NFIB: variants seen among roughly 807,000 people sequenced by gnomAD.
The protein encoded by NFIB is nuclear factor I B.
Under a neutral mutation model 61.5 loss-of-function variants are expected in NFIB, and 11 were observed. That is an observed-to-expected ratio of 0.18 (90% confidence interval 0.11 to 0.30). The LOEUF is 0.30. Among genes scored for constraint, NFIB ranks in the 10% least tolerant of loss-of-function variants. NFIB has a pLI of 1.00. For missense variants in NFIB, 471 were observed against 608.9 expected, an observed-to-expected ratio of 0.77 and a Z score of 2.38; for synonymous variants, 260 against 216.5, an observed-to-expected ratio of 1.20 and a Z score of -1.76.
chr9:14,347,102 G>T (rs750862235), intron 1 of NFIB, among the ~76,000 whole-genome samples: 23 of 151,900 alleles, frequency 1.5e-4, no homozygotes, highest in Non-Finnish European at 3.1e-4. Context: ...GCTCCACGCC[G>T]GGAGCTGGAA....
chr9:14,248,545 A>G (rs910520887), intron 2 of NFIB, among the ~76,000 whole-genome samples: 1 of 152,192 alleles, frequency 6.6e-6, no homozygotes, highest in Non-Finnish European at 1.5e-5. Flanking sequence ...TCCTGGGATT[A>G]CAGGCATGAG....
At chr9:14,191,126 G>A (rs190687985) in intron 2 of NFIB, among the ~76,000 whole-genome samples, 2 of 150,690 alleles carry the variant, frequency 1.3e-5, no homozygotes, top group African/African-American at 2.4e-5. Context: ...TCAGGAGTTC[G>A]AGACCAGCCT....
At chr9:14,194,847 A>G (rs564955000) in intron 2 of NFIB, among the ~76,000 whole-genome samples, 7 of 152,210 alleles carry the variant, frequency 4.6e-5, no homozygotes, top group African/African-American at 1.2e-4. Context: ...CAAAATATCC[A>G]CTTACCAATT....
At chr9:14,150,771 C>T (rs961802380) in intron 4 of NFIB, among the ~76,000 whole-genome samples, 2 of 152,010 alleles carry the variant, frequency 1.3e-5, no homozygotes, top group African/African-American at 4.8e-5. Context: ...AATATCATGA[C>T]TTCTAATCCA....
the NFIB span, among the ~76,000 whole-genome samples, chr9:14,449,570 T>A: frequency 6.6e-6 from 1 of 152,202 alleles, no homozygotes; most frequent in Non-Finnish European, 1.5e-5. Flanking sequence ...TTTGTTGAAA[T>A]GCATCATTTT....
intron 1 of NFIB, among the ~76,000 whole-genome samples, chr9:14,354,790 G>C (rs1223844871): frequency 6.6e-6 from 1 of 151,068 alleles, no homozygotes; most frequent in African/African-American, 2.4e-5. Context: ...CTGTGTGTGT[G>C]TGTGTGTGTG....
chr9:14,113,138 C>T lies in NFIB; in HGVS notation c.1385-57G>A. 8 of 1,470,760 alleles carry T rather than the reference C, an allele frequency of 5.4e-6. No individual in the cohort carries two copies. The South Asian group carries it at 1.0e-4, about 19-fold the overall frequency. 91.1% of individuals were successfully genotyped at this position (1,470,760 alleles called of 1,614,324 possible). On this transcript the variant is annotated intron_variant, in intron 9 of 10. Transcript: ENST00000380953. Reference sequence around the variant, plus strand: ...AATTGTGAACTATCAGAACGAACACCCTGTCCATGTATAAGAAACCCAGAG... The same window carrying T: ...AATTGTGAACTATCAGAACGAACACTCTGTCCATGTATAAGAAACCCAGAG...
the NFIB span, among the ~76,000 whole-genome samples, chr9:14,499,981 G>A: frequency 1.3e-5 from 2 of 152,166 alleles, no homozygotes; most frequent in African/African-American, 4.8e-5. Context: ...TGAAATAACA[G>A]ATACAAAGCT....
At chr9:14,172,932 G>A (rs1186953473) in intron 3 of NFIB, among the ~76,000 whole-genome samples, 1 of 152,060 alleles carries the variant, frequency 6.6e-6, no homozygotes, top group Non-Finnish European at 1.5e-5. Flanking sequence ...ACCACACCCG[G>A]CTAATTTTTG....
intron 1 of NFIB, among the ~76,000 whole-genome samples, chr9:14,338,811 A>G (rs553010820): frequency 6.7e-6 from 1 of 150,066 alleles, no homozygotes. Flanking sequence ...CCATCCATCT[A>G]TCTATCCATC....
Position 14,206,510 on chromosome 9 carries a change from A to T in NFIB, c.563-26730T>A, listed in dbSNP as rs1406067780. Among the ~76,000 whole-genome samples the T allele has an allele frequency of 2.6e-5, 4 of 151,918 alleles. No individual in the cohort carries two copies. The East Asian group carries it at 7.8e-4, about 30-fold the overall frequency. On this transcript the variant is annotated intron_variant, in intron 2 of 10. Coordinates refer to ENST00000380953, the MANE Select transcript of NFIB (RefSeq NM_001190737.2). ...AACTTGAGCTAATTTCTTTCCTTTC[A>T]TGAGATTTTATGGTCTGACACTGCT...
chr9:14,175,571 C>T (rs185585703), intron 3 of NFIB, among the ~76,000 whole-genome samples: 8 of 152,130 alleles, frequency 5.3e-5, no homozygotes, highest in African/African-American at 1.9e-4. Context: ...TAGTGTCATC[C>T]TTGCTCCAGA....
chr9:14,406,633 G>A, the NFIB span, among the ~76,000 whole-genome samples: 1 of 152,144 alleles, frequency 6.6e-6, no homozygotes, highest in Non-Finnish European at 1.5e-5. Context: ...TTACTAGGTG[G>A]TATTTCCTCT....
chr9:14,303,912 A>C (rs1170133497), intron 2 of NFIB, among the ~76,000 whole-genome samples: 1 of 152,246 alleles, frequency 6.6e-6, no homozygotes, highest in Non-Finnish European at 1.5e-5. Context: ...TTTTAGGTGA[A>C]GTGCAGGGAG....
intron 1 of NFIB, among the ~76,000 whole-genome samples, chr9:14,356,866 T>G (rs2061182057): frequency 6.6e-6 from 1 of 152,150 alleles, no homozygotes; most frequent in African/African-American, 2.4e-5. Context: ...CGGTGAGTGG[T>G]CATGGGGCTG....
intron 10 of NFIB, among the ~76,000 whole-genome samples, chr9:14,103,308 A>G (rs2036047554): frequency 6.8e-6 from 1 of 146,868 alleles, no homozygotes; most frequent in African/African-American, 2.5e-5. Context: ...TATATTGCTT[A>G]TTTTTATTCT....
chr9:14,407,663 T>C, the NFIB span, among the ~76,000 whole-genome samples: 3,474 of 152,258 alleles, frequency 0.023, 141 homozygotes, highest in African/African-American at 0.078. Context: ...TGGTGTAAGT[T>C]TGTCTGCACC....
intron 10 of NFIB, among the ~76,000 whole-genome samples, chr9:14,093,659 A>G (rs1446015492): frequency 6.6e-6 from 1 of 152,096 alleles, no homozygotes; most frequent in Non-Finnish European, 1.5e-5. Flanking sequence ...TATTGGCAAA[A>G]TATTAACACA....
intron 2 of NFIB, among the ~76,000 whole-genome samples, chr9:14,213,826 G>A (rs1004459358): frequency 6.6e-6 from 1 of 152,072 alleles, no homozygotes; most frequent in African/African-American, 2.4e-5. Flanking sequence ...TGTGCTCTTA[G>A]GAAAATGTGT....
Sources: gnomAD v4.1 joint callset for allele counts (sites outside exome capture counted in the v4.1 genomes callset) on GRCh38, gnomAD v4.1.1 for gene constraint, MANE v1.5 for transcripts, NCBI Gene and HGNC (gene_info 2026-07-23, HGNC 2026-07-21) for gene names.